CP: variants seen among roughly 807,000 people sequenced by gnomAD.
The protein encoded by CP is ceruloplasmin.
In CP, 64 loss-of-function variants were observed where a neutral mutation model predicts 122.4. That is an observed-to-expected ratio of 0.52 (90% confidence interval 0.43 to 0.64). The LOEUF (loss-of-function observed/expected upper bound fraction) is 0.64. Ranked by LOEUF, CP falls within the 30% of genes least tolerant of loss-of-function variation. The pLI is 0.00. For synonymous variants in CP, 440 were observed against 436.4 expected (o/e 1.01, Z -0.10); for missense variants, 1,167 against 1,284.4 (o/e 0.91, Z 1.40).
In CP at chr3:149,185,391, T is replaced by C. The variant is rs2108236014; in HGVS notation, c.2133A>G (p.Gln711=). The C allele has an allele frequency of 3.7e-6, 6 of 1,614,174 alleles. No homozygotes were observed. The highest frequency in any genetic ancestry group is 1.1e-5 in the South Asian group (1 of 91,080). The change falls in exon 12 of 19, where the codon CAA becomes CAG. Residue 711 remains glutamine (Q), a synonymous_variant. Coordinates refer to ENST00000264613, the MANE Select transcript of CP (RefSeq NM_000096.4). ...GCCTGCATTGGTTCACAGTATATTTTTGCTTCATGCCGCCTGTGTAATGAT... is the reference window on the plus strand; with the variant it reads ...GCCTGCATTGGTTCACAGTATATTTCTGCTTCATGCCGCCTGTGTAATGAT... ...TTDHYTGGMK[Q]KYTVNQCRRQ...
chr3:149,178,309 G>A (rs1725549469), intron 16 of CP, 106 bp downstream of exon 16: 1 of 866,008 alleles, frequency 1.2e-6, no homozygotes, highest in East Asian at 2.6e-5. Context: ...TGAGGCAGAA[G>A]TGGTTTATTT....
chr3:149,192,981 TACACACAC>T (rs3070607), intron 9 of CP, among the ~76,000 whole-genome samples: 7 of 148,704 alleles, frequency 4.7e-5, no homozygotes, highest in Admixed American at 1.3e-4. Flanking sequence ...TGATCCTGTA[TACACACAC>T]ACACACACAC....
At position 149,207,561 on chromosome 3, in the gene CP, T is replaced by C; in HGVS notation, c.838A>G (p.Arg280Gly). 3 of 1,614,024 alleles carry C rather than the reference T, an allele frequency of 1.9e-6. No individual in the cohort carries two copies. The highest frequency in any genetic ancestry group is 2.5e-6 in the Non-Finnish European group (3 of 1,179,858). ...LPGLSMCAED[R>G]VKWYLFGMGN... ...ATACCAAAAAGGTACCATTTTACTCTGTCTTCAGCACACATGGAGAGTCCT... is the reference window on the plus strand; with the variant it reads ...ATACCAAAAAGGTACCATTTTACTCCGTCTTCAGCACACATGGAGAGTCCT... Residue 280 changes from arginine to glycine, a missense_variant, in exon 5 of 19, where the codon AGA (arginine) becomes GGA (glycine). This residue lies in a region of CP where 642 missense variants were observed against 627.3 expected (regional missense o/e 1.02). Coordinates refer to ENST00000264613, the MANE Select transcript of CP (RefSeq NM_000096.4).
At chr3:149,218,938 C>A (rs1253589492) in intron 1 of CP, among the ~76,000 whole-genome samples, 1 of 152,178 alleles carries the variant, frequency 6.6e-6, no homozygotes, top group African/African-American at 2.4e-5. Flanking sequence ...TATTTCCACT[C>A]CTTTTTAGTC....
intron 9 of CP, among the ~76,000 whole-genome samples, chr3:149,191,427 G>A (rs1034875553): frequency 5.9e-5 from 9 of 151,946 alleles, no homozygotes; most frequent in African/African-American, 1.5e-4. Flanking sequence ...TCTGTGCCTA[G>A]CACAGGATGT....
intron 8 of CP, 135 bp downstream of exon 8, chr3:149,199,577 G>A: frequency 9.3e-7 from 1 of 1,071,400 alleles, no homozygotes; most frequent in Admixed American, 1.7e-5. Flanking sequence ...TTTGTTTCCT[G>A]GCATGATGCC....
chr3:149,163,386 C>T (rs1724086106), intron 5 of CP, among the ~76,000 whole-genome samples: 1 of 152,124 alleles, frequency 6.6e-6, no homozygotes, highest in Non-Finnish European at 1.5e-5. Context: ...CGTTCTTGCT[C>T]CTAGCCCATT....
chr3:149,203,064 G>T (rs555079236), intron 6 of CP, among the ~76,000 whole-genome samples: 2 of 149,854 alleles, frequency 1.3e-5, no homozygotes, highest in African/African-American at 2.5e-5. Flanking sequence ...CCGCCACAAC[G>T]CCCGGCTAAT....
At chr3:149,165,741 T>A (rs1349546792) in intron 5 of CP, among the ~76,000 whole-genome samples, 3 of 152,220 alleles carry the variant, frequency 2.0e-5, no homozygotes, top group African/African-American at 7.2e-5. Context: ...TTGGTACACA[T>A]GCTTTGCTCC....
At chr3:149,207,905 G>C (rs929405101) in intron 4 of CP, among the ~76,000 whole-genome samples, 27 of 152,102 alleles carry the variant, frequency 1.8e-4, no homozygotes, top group African/African-American at 6.5e-4. Flanking sequence ...CATTGTGTGT[G>C]TGTGTAAATA....
chr3:149,172,318 T>TCACACACACACACACACACACA (rs113015797), downstream of CP: 15 of 571,842 alleles, frequency 2.6e-5, no homozygotes, highest in African/African-American at 2.8e-4. Context: ...ATTTTATATA[T>TCACACACACACACACACACACA]CACACACACA....
intron 16 of CP, 142 bp from the exon 17 acceptor site, chr3:149,178,121 A>G (rs1310042791): frequency 1.2e-6 from 1 of 824,480 alleles, no homozygotes; most frequent in Non-Finnish European, 2.0e-6. Context: ...AGAGAAATGG[A>G]TACTTTAAAG....
intron 18 of CP, among the ~76,000 whole-genome samples, chr3:149,174,770 C>A (rs1217411957): frequency 6.6e-6 from 1 of 151,992 alleles, no homozygotes; most frequent in Non-Finnish European, 1.5e-5. Context: ...TAAACATGGC[C>A]ACTGATTTTA....
chr3:149,212,833 C>T, intron 1 of CP, 135 bp from the exon 2 acceptor site: 1 of 1,093,252 alleles, frequency 9.1e-7, no homozygotes, highest in South Asian at 1.6e-5. Flanking sequence ...TGTAGGGATG[C>T]CTCCAAAATT....
downstream of CP, chr3:149,167,802 C>T (rs1458650935): frequency 3.6e-5 from 29 of 815,120 alleles, no homozygotes; most frequent in East Asian, 4.3e-4. Context: ...TATTTTTGCT[C>T]TGTGCTTTCC....
chr3:149,219,685 CT>C (rs1728687606), intron 1 of CP, among the ~76,000 whole-genome samples: 1 of 151,748 alleles, frequency 6.6e-6, no homozygotes, highest in South Asian at 2.1e-4. Flanking sequence ...TAAGAACAGA[CT>C]AATACAGTAA....
chr3:149,201,250 AGTAAC>A (rs1727290897), intron 7 of CP, among the ~76,000 whole-genome samples: 1 of 151,664 alleles, frequency 6.6e-6, no homozygotes, highest in Non-Finnish European at 1.5e-5. Flanking sequence ...CAGCCTCCAG[AGTAAC>A]TAGGACAGGC....
At chr3:149,216,559 G>A (rs1270215876) in intron 1 of CP, among the ~76,000 whole-genome samples, 2 of 152,124 alleles carry the variant, frequency 1.3e-5, no homozygotes, top group Non-Finnish European at 1.5e-5. Flanking sequence ...ATTTAGGATA[G>A]GATTTCTTCT....
At chr3:149,166,539 C>CT (rs945065950) in intron 4 of CP, among the ~76,000 whole-genome samples, 1 of 152,122 alleles carries the variant, frequency 6.6e-6, no homozygotes, top group African/African-American at 2.4e-5. Flanking sequence ...TTATCATAAA[C>CT]TTTTTTTATT....
Sources: allele counts gnomAD v4.1 joint callset (sites outside exome capture counted in the v4.1 genomes callset), GRCh38; gene constraint gnomAD v4.1.1; regional missense constraint gnomAD v4.1.1; transcripts MANE v1.5; gene names NCBI Gene and HGNC (gene_info 2026-07-23, HGNC 2026-07-21).